FRY: variants seen among roughly 807,000 people sequenced by gnomAD.
The protein encoded by FRY is FRY microtubule binding protein.
A neutral mutation model predicts 348.4 loss-of-function variants in FRY; 128 were observed. The ratio of observed to expected loss-of-function variants is 0.37; its 90% CI spans 0.32 to 0.43. The LOEUF (loss-of-function observed/expected upper bound fraction) is 0.43, where lower values mean the gene tolerates loss of function less well. Among genes scored for constraint, FRY ranks in the 20% least tolerant of loss-of-function variants. FRY has a pLI of 1.00. For synonymous variants in FRY, 1,370 were observed against 1,374.7 expected (o/e 1.00, Z 0.08); for missense variants, 2,736 against 3,695.2 (o/e 0.74, Z 6.73).
chr13:32,203,600 C>G (rs774142709), intron 31 of FRY, among the ~76,000 whole-genome samples: 2 of 152,010 alleles, frequency 1.3e-5, no homozygotes, highest in South Asian at 2.1e-4. Context: ...GCCCACGCCT[C>G]TAGTCCCAGC....
At chr13:32,295,099 A>G (rs1889567573) in intron 60 of FRY, 103 bp from the exon 61 acceptor site, 4 of 1,035,364 alleles carry the variant, frequency 3.9e-6, no homozygotes, top group Non-Finnish European at 6.0e-6. Flanking sequence ...CATCTCAATA[A>G]AGCCTTTTTA....
chr13:32,238,902 A>G (rs1886360757), intron 44 of FRY, among the ~76,000 whole-genome samples: 1 of 152,192 alleles, frequency 6.6e-6, no homozygotes, highest in Admixed American at 6.5e-5. Context: ...GTCCTCTCAC[A>G]CCAGTTTTTC....
rs754095604 is a variant in FRY, at chr13:32,031,775, G to A, written c.-21G>A. The A allele has an allele frequency of 4.5e-6, 7 of 1,558,604 alleles. No individual in the cohort carries two copies. The East Asian group carries it at 1.6e-4, about 35-fold the overall frequency. On this transcript the variant is annotated 5_prime_UTR_variant, in exon 1 of 61. Coordinates refer to ENST00000542859, the MANE Select transcript of FRY (RefSeq NM_023037.3). ...CTCCCGGCCGCTGCCCGTCCTCCCAGCCTCTTTGTATGCCGCAGACATGGC... is the reference window on the plus strand; with the variant it reads ...CTCCCGGCCGCTGCCCGTCCTCCCAACCTCTTTGTATGCCGCAGACATGGC...
At chr13:32,252,954 A>T (rs1184754544) in intron 50 of FRY, among the ~76,000 whole-genome samples, 3 of 152,202 alleles carry the variant, frequency 2.0e-5, no homozygotes, top group African/African-American at 7.2e-5. Flanking sequence ...CCTAGCCCAC[A>T]GTGAAGAGAC....
chr13:32,155,719 A>T (rs1881067880), intron 15 of FRY, 57 bp downstream of exon 15: 1 of 1,220,216 alleles, frequency 8.2e-7, no homozygotes, highest in Non-Finnish European at 1.2e-6. Flanking sequence ...AATGACCAGT[A>T]GATATTTATC....
chr13:32,292,025 C>T, intron 59 of FRY: 1 of 451,630 alleles, frequency 2.2e-6, no homozygotes. Context: ...CTCTGTTGCC[C>T]AGGCTGGAGT....
intron 3 of FRY, among the ~76,000 whole-genome samples, chr13:32,111,721 G>A (rs1877977746): frequency 6.6e-6 from 1 of 152,154 alleles, no homozygotes; most frequent in Non-Finnish European, 1.5e-5. Context: ...CTTGCAGAGG[G>A]TTGTGTCCAT....
intron 1 of FRY, among the ~76,000 whole-genome samples, chr13:32,067,017 T>C (rs1874299057): frequency 6.6e-6 from 1 of 152,216 alleles, no homozygotes; most frequent in Non-Finnish European, 1.5e-5. Context: ...TAAGTGCTGG[T>C]GATAAAGACA....
At chr13:32,060,423 A>C (rs181723797) in intron 1 of FRY, among the ~76,000 whole-genome samples, 1 of 152,310 alleles carries the variant, frequency 6.6e-6, no homozygotes, top group Non-Finnish European at 1.5e-5. Flanking sequence ...TTTTCTTTGC[A>C]AGTTATGTCA....
chr13:32,062,220 G>T (rs537122733), intron 1 of FRY, among the ~76,000 whole-genome samples: 1 of 151,350 alleles, frequency 6.6e-6, no homozygotes, highest in African/African-American at 2.4e-5. Context: ...AAGCATACAA[G>T]ATAAATGATT....
chr13:32,278,452 CTCTT>C lies in FRY; in HGVS notation c.8386-9_8386-6del, dbSNP rs1888648006. The C allele has an allele frequency of 6.9e-7, 1 of 1,457,178 alleles. No homozygotes were observed. Among genetic ancestry groups the C allele is most frequent in the Non-Finnish European group, 9.6e-7 (1 of 1,037,124 alleles). 90.3% of individuals were successfully genotyped at this position (1,457,178 alleles called of 1,614,324 possible). On this transcript the variant is annotated splice_polypyrimidine_tract_variant and intron_variant, in intron 57 of 60. Transcript: ENST00000542859. ...GCTGAATTTACCTATGTCTTTCCCT[CTCTT>C]TCTGACAGTGGCTTGCAAATTGTAA...
chr13:32,082,221 T>A lies in FRY; in HGVS notation c.270+3188T>A, dbSNP rs1427598222. On this transcript the variant is annotated intron_variant, in intron 2 of 60. Coordinates refer to ENST00000542859, the MANE Select transcript of FRY (RefSeq NM_023037.3). ...TTTGCAATATCCAGATAGCCAACTT[T>A]AAAAAAAAAAAAAAAAACAGGAAAT... is the stretch of plus-strand genomic sequence containing the variant. Among the ~76,000 whole-genome samples, 562 of 140,764 alleles carry A rather than the reference T, an allele frequency of 4.0e-3. 2 individuals carry two copies. The highest frequency in any genetic ancestry group is 7.1e-3 in the Non-Finnish European group (463 of 65,268). The allele number at this position is 140,764 out of a possible 152,430, so 92.3% of individuals were successfully genotyped here. A position where few individuals can be genotyped will look rare whatever the true frequency, so the allele number is the denominator to read the frequency against.
chr13:32,221,834 A>G (rs2138399956), intron 36 of FRY, among the ~76,000 whole-genome samples: 1 of 152,300 alleles, frequency 6.6e-6, no homozygotes, highest in East Asian at 1.9e-4. Flanking sequence ...TAAAGATAAT[A>G]TTGTGACGTT....
chr13:32,279,160 C>A (rs1888692500), intron 58 of FRY, among the ~76,000 whole-genome samples: 1 of 152,176 alleles, frequency 6.6e-6, no homozygotes, highest in African/African-American at 2.4e-5. Flanking sequence ...AACAGTCATA[C>A]AGCTATTAAC....
intron 59 of FRY, among the ~76,000 whole-genome samples, chr13:32,293,182 A>G (rs908123461): frequency 2.0e-5 from 3 of 152,232 alleles, no homozygotes; most frequent in African/African-American, 7.2e-5. Flanking sequence ...GGGTAGGTAC[A>G]CACACAGTGT....
At position 32,185,085 on chromosome 13, in the gene FRY, A is replaced by G. The variant is rs1401159736; in HGVS notation, c.3256A>G (p.Ile1086Val). The G allele has an allele frequency of 6.2e-7, 1 of 1,613,976 alleles. No individual in the cohort carries two copies. Among genetic ancestry groups the G allele is most frequent in the Non-Finnish European group, 8.5e-7 (1 of 1,179,936 alleles). The change falls in exon 26 of 61, where the codon ATT becomes GTT. Residue 1086 changes from isoleucine to valine, a missense_variant. Ile to Val is a conservative substitution (Grantham distance 29, BLOSUM62 3). Around this residue, in one of 9 missense-constraint regions of FRY, gnomAD observed 449 missense variants for 576.9 expected, o/e 0.78. Coordinates refer to ENST00000542859, the MANE Select transcript of FRY (RefSeq NM_023037.3). ...AGCTGAAAATGACAAAGAAGTTGAA[A>G]TTCTTAAAGATATCCGGGCACATTT... is the stretch of plus-strand genomic sequence containing the variant. ...LEAENDKEVE[I>V]LKDIRAHFSA...
chr13:32,131,577 C>T (rs1482175850), intron 7 of FRY, 95 bp from the exon 8 acceptor site: 2 of 832,408 alleles, frequency 2.4e-6, no homozygotes, highest in African/African-American at 3.4e-5. Context: ...TAAAGGATTC[C>T]ATTGCTCTGC....
chr13:32,265,201 C>T (rs563296495), intron 53 of FRY, among the ~76,000 whole-genome samples: 38 of 152,038 alleles, frequency 2.5e-4, no homozygotes, highest in African/African-American at 6.8e-4. Flanking sequence ...GGGCCAAGTA[C>T]GAAAATCTAC....
intron 1 of FRY, among the ~76,000 whole-genome samples, chr13:32,049,713 CA>C (rs1466847208): frequency 2.0e-5 from 3 of 152,098 alleles, no homozygotes; most frequent in Non-Finnish European, 4.4e-5. Flanking sequence ...AAAGAGACAA[CA>C]AGGACTCAAA....
Sources: gnomAD v4.1 joint callset for allele counts (sites outside exome capture counted in the v4.1 genomes callset) on GRCh38, gnomAD v4.1.1 for gene constraint, gnomAD v4.1.1 regional missense constraint, MANE v1.5 for transcripts, NCBI Gene and HGNC (gene_info 2026-07-23, HGNC 2026-07-21) for gene names.